The following PIWIL4 variants were observed in gnomAD, a reference collection of about 807,000 sequenced individuals.
The protein encoded by PIWIL4 is piwi like RNA-mediated gene silencing 4.
In PIWIL4, 50 loss-of-function variants were observed where a neutral mutation model predicts 100.9. The ratio of observed to expected loss-of-function variants is 0.50; its 90% confidence interval spans 0.39 to 0.63. PIWIL4 has a LOEUF of 0.63. Ranked by LOEUF, PIWIL4 falls within the 20% of genes least tolerant of loss-of-function variation. The probability of loss-of-function intolerance (pLI) is 0.00; values close to 1 mark genes in which losing one functional copy is unlikely to be tolerated. For missense variants in PIWIL4, 887 were observed against 1,043.3 expected, an observed-to-expected ratio of 0.85 and a Z score of 2.06; for synonymous variants, 342 against 367.5, an observed-to-expected ratio of 0.93 and a Z score of 0.79.
intron 3 of PIWIL4, 82 bp from the exon 4 acceptor site, chr11:94,577,196 A>C: frequency 8.6e-7 from 1 of 1,167,762 alleles, no homozygotes; most frequent in East Asian, 2.4e-5. Flanking sequence ...TGCATAGGCA[A>C]ATACATTTTT....
At position 94,577,450 on chromosome 11, in the gene PIWIL4, C is replaced by T. The variant is rs1948253348; in HGVS notation, c.471C>T (p.Phe157=). ...AACTTTCCAACAAAGCAAAAGCATT[C>T]GACGGTGCCATCCTTTTTCTGTCAC... ...HSELSNKAKA[F]DGAILFLSQK... is the part of the protein sequence containing the mutation. The change falls in exon 4 of 20, where the codon TTC becomes TTT. Residue 157 remains phenylalanine, a synonymous_variant. Transcript: ENST00000299001. The T allele has an allele frequency of 3.7e-6, 6 of 1,613,492 alleles. No homozygotes were observed. The highest frequency in any genetic ancestry group is 5.1e-6 in the Non-Finnish European group (6 of 1,179,862).
At position 94,607,443 on chromosome 11, in the gene PIWIL4, T is replaced by C. The variant is rs377279345; in HGVS notation, c.1643T>C (p.Met548Thr). The C allele has an allele frequency of 5.0e-6, 8 of 1,613,508 alleles. No homozygotes were observed. The African/African-American group carries it at 5.3e-5, about 11-fold the overall frequency. The change falls in exon 14 of 20, where the codon ATG (methionine) becomes ACG (threonine). Residue 548 changes from methionine (M) to threonine (T), a missense_variant. This residue lies in a region of PIWIL4 where 741 missense variants were observed against 930.0 expected (regional missense o/e 0.80). Transcript: ENST00000299001. ...QYVDPDVQLV[M>T]CILPSNQKTY... ...TTTTGCTGTTTTTGCTTTTAGGTAA[T>C]GTGCATTCTGCCTTCTAATCAGAAG... is the stretch of plus-strand genomic sequence containing the variant.
intron 14 of PIWIL4, 198 bp from the exon 15 acceptor site, chr11:94,608,385 C>G: frequency 1.8e-6 from 1 of 546,918 alleles, no homozygotes. Flanking sequence ...TAAGTGTGTA[C>G]CATATTCTTC....
chr11:94,586,942 C>A, intron 6 of PIWIL4, 108 bp from the exon 7 acceptor site: 1 of 1,118,150 alleles, frequency 8.9e-7, no homozygotes. Flanking sequence ...AAAAAATTAT[C>A]TTGTTAAGAT....
chr11:94,621,298 G>C lies in PIWIL4; in HGVS notation c.*306G>C, dbSNP rs746474485. The C allele has an allele frequency of 1.2e-5, 3 of 257,874 alleles. No individual in the cohort carries two copies. In the East Asian group the frequency reaches 2.5e-4, roughly 22 times the overall value. The allele number at this position is 257,874 out of a possible 1,614,324, so 16.0% of individuals were successfully genotyped here. A position where few individuals can be genotyped will look rare whatever the true frequency, so the allele number is the denominator to read the frequency against. On this transcript the variant is annotated 3_prime_UTR_variant, in exon 20 of 20. Transcript: ENST00000299001. Reference sequence around the variant, plus strand: ...TTAAACACTTAAAATAAGTGTTTGCGTGATATTTTGATGACAGATAAACAG... The same window carrying C: ...TTAAACACTTAAAATAAGTGTTTGCCTGATATTTTGATGACAGATAAACAG...
Position 94,574,522 on chromosome 11 carries a change from G to C in PIWIL4, c.167-477G>C, listed in dbSNP as rs12282581. Among the ~76,000 whole-genome samples, 415 of 152,314 alleles carry C rather than the reference G, an allele frequency of 2.7e-3. 3 individuals are homozygous for C. The highest frequency in any genetic ancestry group is 8.7e-3 in the African/African-American group (360 of 41,566). On this transcript the variant is annotated intron_variant, in intron 2 of 19. Transcript: ENST00000299001. ...TCAAGATCTGTTTTTGTTTTTGTGA[G>C]ACAGGGTCTCGCCCTGTCGCCCAGG...
intron 1 of PIWIL4, 164 bp downstream of exon 1, chr11:94,567,769 C>G: frequency 8.0e-7 from 1 of 1,254,948 alleles, no homozygotes; most frequent in East Asian, 3.1e-5. Context: ...ACAGTTTTCT[C>G]CTTCTAGGGA....
intron 14 of PIWIL4, 87 bp from the exon 15 acceptor site, chr11:94,608,496 G>C (rs1948749810): frequency 2.7e-6 from 3 of 1,091,688 alleles, no homozygotes; most frequent in Non-Finnish European, 2.8e-6. Context: ...AGTAACTGGA[G>C]TCTGTTTTTA....
intron 19 of PIWIL4, among the ~76,000 whole-genome samples, chr11:94,620,509 C>T (rs1948894035): frequency 6.6e-6 from 1 of 152,172 alleles, no homozygotes; most frequent in South Asian, 2.1e-4. Flanking sequence ...GAAGTGTTAA[C>T]AGGCCTGGGT....
At chr11:94,568,935 C>G in intron 2 of PIWIL4, 127 bp downstream of exon 2, 1 of 788,518 alleles carries the variant, frequency 1.3e-6, no homozygotes. Flanking sequence ...GAAGGATCCC[C>G]TTTGTCATGT....
At chr11:94,594,704 G>T (rs1355311859) in intron 9 of PIWIL4, among the ~76,000 whole-genome samples, 1 of 151,942 alleles carries the variant, frequency 6.6e-6, no homozygotes, top group South Asian at 2.1e-4. Context: ...GGCTAGTTTT[G>T]TATTTTTAGT....
At chr11:94,601,342 T>A (rs1948637395) in intron 11 of PIWIL4, among the ~76,000 whole-genome samples, 1 of 146,004 alleles carries the variant, frequency 6.8e-6, no homozygotes. Flanking sequence ...CACTTAACTG[T>A]TCTGTAGGGT....
intron 8 of PIWIL4, among the ~76,000 whole-genome samples, chr11:94,592,338 T>C (rs754426176): frequency 3.3e-5 from 5 of 152,244 alleles, no homozygotes; most frequent in Non-Finnish European, 5.9e-5. Context: ...TGTTAAGCAT[T>C]GTTTGTGCTT....
intron 13 of PIWIL4, 41 bp from the exon 14 acceptor site, chr11:94,607,398 G>C (rs1440241225): frequency 1.3e-6 from 2 of 1,556,948 alleles, no homozygotes; most frequent in Non-Finnish European, 8.8e-7. Context: ...CTTAGCAGAA[G>C]TAAATTAACT....
chr11:94,595,879 T>C (rs1948551580), intron 10 of PIWIL4, among the ~76,000 whole-genome samples: 1 of 152,216 alleles, frequency 6.6e-6, no homozygotes. Context: ...GAGATATACC[T>C]TTGTGCCATC....
intron 4 of PIWIL4, among the ~76,000 whole-genome samples, chr11:94,579,654 G>GA (rs1948287425): frequency 6.6e-6 from 1 of 152,172 alleles, no homozygotes; most frequent in Admixed American, 6.5e-5. Flanking sequence ...GGATCTATAG[G>GA]AGCTGCTTGA....
intron 2 of PIWIL4, among the ~76,000 whole-genome samples, chr11:94,573,672 G>A (rs1296396340): frequency 6.6e-6 from 1 of 152,140 alleles, no homozygotes; most frequent in Non-Finnish European, 1.5e-5. Flanking sequence ...TTTTTGATAT[G>A]CGCACATTGT....
At chr11:94,611,548 AAT>A (rs1948787214) in intron 15 of PIWIL4, among the ~76,000 whole-genome samples, 1 of 150,824 alleles carries the variant, frequency 6.6e-6, no homozygotes, top group Admixed American at 6.6e-5. Flanking sequence ...AGTTTGTTCA[AAT>A]ATTGATATAG....
At chr11:94,618,906 G>A (rs1003227419) in intron 17 of PIWIL4, among the ~76,000 whole-genome samples, 2 of 152,090 alleles carry the variant, frequency 1.3e-5, no homozygotes, top group Non-Finnish European at 2.9e-5. Context: ...AAGTTTGGTG[G>A]CAGTATCATC....
Sources: allele counts gnomAD v4.1 joint callset (sites outside exome capture counted in the v4.1 genomes callset), GRCh38; gene constraint gnomAD v4.1.1; regional missense constraint gnomAD v4.1.1; transcripts MANE v1.5; gene names NCBI Gene and HGNC (gene_info 2026-07-23, HGNC 2026-07-21).